Variants in MCPH1 observed in about 807,000 individuals in gnomAD.
MCPH1 encodes microcephalin 1.
A neutral mutation model predicts 84.5 loss-of-function variants in MCPH1; 104 were observed. That is an observed-to-expected ratio of 1.23 (90% CI 1.05 to 1.45). The LOEUF is 1.45. MCPH1 is among the 40% of genes most tolerant of loss of function. MCPH1 has a pLI of 0.00. For missense variants in MCPH1, 1,498 were observed against 1,005.7 expected, an observed-to-expected ratio of 1.49 and a Z score of -6.62; for synonymous variants, 514 against 366.8, an observed-to-expected ratio of 1.40 and a Z score of -4.58.
At chr8:6,595,398 G>GT (rs1239049404) in intron 12 of MCPH1, among the ~76,000 whole-genome samples, 1 of 152,190 alleles carries the variant, frequency 6.6e-6, no homozygotes. Context: ...CATTGAGAAG[G>GT]TGAATGAGTT....
chr8:6,426,500 G>C (rs56928655), intron 3 of MCPH1, among the ~76,000 whole-genome samples: 1 of 152,140 alleles, frequency 6.6e-6, no homozygotes, highest in African/African-American at 2.4e-5. Flanking sequence ...CGATCTGTCC[G>C]TGTTGTTTGT....
intron 9 of MCPH1, among the ~76,000 whole-genome samples, chr8:6,475,786 C>CGTTTT (rs1808372969): frequency 6.6e-6 from 1 of 152,128 alleles, no homozygotes; most frequent in Non-Finnish European, 1.5e-5. Flanking sequence ...AACAGGCAGC[C>CGTTTT]ATGAGTTTCA....
intron 12 of MCPH1, chr8:6,521,510 G>T: frequency 1.1e-6 from 1 of 878,702 alleles, no homozygotes; most frequent in Admixed American, 2.9e-5. Flanking sequence ...TTAAGATATT[G>T]TAGTGGTTAT....
At chr8:6,604,590 T>C (rs1391658456) in intron 12 of MCPH1, among the ~76,000 whole-genome samples, 5 of 152,248 alleles carry the variant, frequency 3.3e-5, no homozygotes, top group African/African-American at 1.2e-4. Flanking sequence ...CTGCAATCTC[T>C]GCCTTTCAGG....
intron 12 of MCPH1, chr8:6,503,313 A>G (rs1198324597): frequency 6.3e-7 from 1 of 1,598,322 alleles, no homozygotes; most frequent in Non-Finnish European, 8.6e-7. Flanking sequence ...GCCAGCTCCC[A>G]CCACGAAGAC....
At chr8:6,416,185 G>A (rs1799263491) in intron 3 of MCPH1, among the ~76,000 whole-genome samples, 1 of 152,160 alleles carries the variant, frequency 6.6e-6, no homozygotes, top group African/African-American at 2.4e-5. Context: ...AAATATATTT[G>A]TGGGTTCCTT....
intron 12 of MCPH1, among the ~76,000 whole-genome samples, chr8:6,582,096 G>C (rs984171730): frequency 5.3e-5 from 8 of 152,198 alleles, no homozygotes; most frequent in Non-Finnish European, 8.8e-5. Context: ...TGCAGTGCTT[G>C]GCTGTGGGAT....
In MCPH1 at chr8:6,465,611, G is replaced by A. The variant is rs17611849; in HGVS notation, c.1935+10359G>A. Among the ~76,000 whole-genome samples the A allele has an allele frequency of 7.0e-3, 1,061 of 152,264 alleles. 9 individuals are homozygous for A. Among genetic ancestry groups the A allele is most frequent in the Non-Finnish European group, 0.011 (757 of 68,022 alleles). ...CCTCAGAGCTTTGTTGTGGCTGGAC[G>A]CATCTTCTGGAACTGCGACAGCGGA... On this transcript the variant is annotated intron_variant, in intron 9 of 13. Transcript: ENST00000344683.
At chr8:6,546,961 G>C (rs1822699899) in intron 12 of MCPH1, among the ~76,000 whole-genome samples, 1 of 152,188 alleles carries the variant, frequency 6.6e-6, no homozygotes, top group Non-Finnish European at 1.5e-5. Flanking sequence ...CAAGCTGGCT[G>C]GTTAGTCCTG....
intron 12 of MCPH1, among the ~76,000 whole-genome samples, chr8:6,606,049 T>G (rs1210111113): frequency 1.3e-5 from 2 of 152,178 alleles, no homozygotes; most frequent in African/African-American, 4.8e-5. Context: ...GAATCCACAC[T>G]GGTAAGTTTT....
chr8:6,629,188 C>T (rs577502831), intron 13 of MCPH1, among the ~76,000 whole-genome samples: 6 of 152,328 alleles, frequency 3.9e-5, no homozygotes, highest in Admixed American at 2.6e-4. Flanking sequence ...AGAGGCCAGG[C>T]GTGGTGGCTT....
At chr8:6,496,746 A>G (rs1012941702) in intron 11 of MCPH1, among the ~76,000 whole-genome samples, 3 of 152,274 alleles carry the variant, frequency 2.0e-5, no homozygotes, top group African/African-American at 7.2e-5. Flanking sequence ...TTTCAACACA[A>G]TCGTTAATGC....
chr8:6,573,841 G>A (rs1427558958), intron 12 of MCPH1, among the ~76,000 whole-genome samples: 1 of 152,144 alleles, frequency 6.6e-6, no homozygotes, highest in Admixed American at 6.6e-5. Context: ...TTAACTACAA[G>A]CTCACCCTTT....
At chr8:6,542,979 G>A (rs1401277818) in intron 12 of MCPH1, among the ~76,000 whole-genome samples, 1 of 152,138 alleles carries the variant, frequency 6.6e-6, no homozygotes, top group East Asian at 1.9e-4. Flanking sequence ...AGCGTGTGTT[G>A]TTTCTGTTTT....
chr8:6,418,165 C>G (rs1297634517), intron 3 of MCPH1, among the ~76,000 whole-genome samples: 1 of 152,098 alleles, frequency 6.6e-6, no homozygotes, highest in East Asian at 1.9e-4. Flanking sequence ...TCTAGTAGCC[C>G]TAGCTGCCCA....
In MCPH1 at chr8:6,505,825, AT is replaced by A. The variant is rs1219513999; in HGVS notation, c.2214+5897del. ...ATGCATATTCTTTATATATGTATAT[AT>A]AAAAACATGCATATTCTTTATATAT... On this transcript the variant is annotated intron_variant, in intron 12 of 13. Coordinates refer to ENST00000344683, the MANE Select transcript of MCPH1 (RefSeq NM_024596.5). Among the ~76,000 whole-genome samples the A allele has an allele frequency of 2.9e-5, 4 of 140,134 alleles. No individual in the cohort carries two copies. In the Middle Eastern group the frequency reaches 0.013, roughly 461 times the overall value. 91.9% of individuals were successfully genotyped at this position (140,134 alleles called of 152,430 possible). A position where few individuals can be genotyped will look rare whatever the true frequency, so the allele number is the denominator to read the frequency against.
intron 1 of MCPH1, among the ~76,000 whole-genome samples, chr8:6,408,866 G>T (rs1206284462): frequency 1.3e-5 from 2 of 149,148 alleles, no homozygotes; most frequent in African/African-American, 4.9e-5. Context: ...CTGGCCAGTA[G>T]AGTAAATTTT....
chr8:6,623,005 TTTAC>T (rs375270783), intron 13 of MCPH1, among the ~76,000 whole-genome samples: 47 of 134,858 alleles, frequency 3.5e-4, no homozygotes, highest in African/African-American at 1.1e-3. Context: ...GATGCCCAGC[TTTAC>T]TTTCTTTTTT....
chr8:6,604,249 CG>C (rs1168233310), intron 12 of MCPH1, among the ~76,000 whole-genome samples: 2 of 152,132 alleles, frequency 1.3e-5, no homozygotes, highest in Non-Finnish European at 2.9e-5. Flanking sequence ...AGCTTCTCCA[CG>C]GAGCCCTGTT....
Sources: gnomAD v4.1 joint callset for allele counts (sites outside exome capture counted in the v4.1 genomes callset) on GRCh38, gnomAD v4.1.1 for gene constraint, MANE v1.5 for transcripts, NCBI Gene and HGNC (gene_info 2026-07-23, HGNC 2026-07-21) for gene names.